The following FRMD4B variants were observed in gnomAD, a reference collection of about 807,000 sequenced individuals.
FRMD4B encodes the protein FERM domain-containing protein 4B.
FRMD4B carries 74 observed loss-of-function variants against 141.5 expected under a neutral mutation model. The ratio of observed to expected loss-of-function variants is 0.52; its 90% confidence interval spans 0.43 to 0.63. The LOEUF (loss-of-function observed/expected upper bound fraction) is 0.63. Ranked by LOEUF, FRMD4B falls within the 30% of genes least tolerant of loss-of-function variation. FRMD4B has a pLI of 0.00. For missense variants in FRMD4B, 1,366 were observed against 1,253.4 expected, an observed-to-expected ratio of 1.09 and a Z score of -1.36; for synonymous variants, 506 against 467.9, an observed-to-expected ratio of 1.08 and a Z score of -1.05.
chr3:69,520,382 A>AATATATATATATGATGGAAT (rs1700837142), intron 1 of FRMD4B, among the ~76,000 whole-genome samples: 2 of 127,068 alleles, frequency 1.6e-5, no homozygotes, highest in Admixed American at 1.7e-4. Flanking sequence ...TATATGATGG[A>AATATATATATATGATGGAAT]ATATATATAT....
chr3:69,406,310 C>T (rs1271699148), intron 2 of FRMD4B, among the ~76,000 whole-genome samples: 1 of 152,164 alleles, frequency 6.6e-6, no homozygotes, highest in Non-Finnish European at 1.5e-5. Context: ...GGATCCCAGC[C>T]GATACTCACA....
intron 5 of FRMD4B, 48 bp from the exon 6 acceptor site, chr3:69,250,147 T>C: frequency 7.9e-7 from 1 of 1,259,102 alleles, no homozygotes; most frequent in Non-Finnish European, 1.2e-6. Flanking sequence ...CTGTCCTAGA[T>C]TGTAGCAAAT....
At chr3:69,418,937 T>C (rs1418188195) in intron 2 of FRMD4B, among the ~76,000 whole-genome samples, 1 of 152,144 alleles carries the variant, frequency 6.6e-6, no homozygotes, top group African/African-American at 2.4e-5. Context: ...AAAAAACTAA[T>C]ACTCTTGGTT....
At chr3:69,209,130 C>T (rs1344007756) in intron 11 of FRMD4B, among the ~76,000 whole-genome samples, 2 of 146,362 alleles carry the variant, frequency 1.4e-5, no homozygotes, top group Admixed American at 1.4e-4. Context: ...GGCAACAGAG[C>T]GAGAATCCAT....
chr3:69,182,778 T>C (rs1685161447), intron 19 of FRMD4B, 61 bp from the exon 20 acceptor site: 1 of 1,542,446 alleles, frequency 6.5e-7, no homozygotes, highest in African/African-American at 1.4e-5. Context: ...CTGGCAAACT[T>C]GTCATAAGCA....
chr3:69,473,705 T>C (rs1705933025), intron 1 of FRMD4B, among the ~76,000 whole-genome samples: 1 of 152,142 alleles, frequency 6.6e-6, no homozygotes, highest in Admixed American at 6.5e-5. Context: ...TAATAATGAG[T>C]TTAATACAAC....
At chr3:69,404,969 A>G (rs1284931282) in intron 2 of FRMD4B, among the ~76,000 whole-genome samples, 2 of 152,234 alleles carry the variant, frequency 1.3e-5, no homozygotes, top group Non-Finnish European at 2.9e-5. Context: ...TTGGTCCAAT[A>G]GCCTAGAAGA....
intron 1 of FRMD4B, among the ~76,000 whole-genome samples, chr3:69,342,536 C>A (rs952663284): frequency 6.6e-6 from 1 of 152,192 alleles, no homozygotes; most frequent in African/African-American, 2.4e-5. Context: ...CTACTGCCAT[C>A]ATTTGCCATA....
At chr3:69,468,802 G>A (rs1254612045) in intron 1 of FRMD4B, among the ~76,000 whole-genome samples, 2 of 152,144 alleles carry the variant, frequency 1.3e-5, no homozygotes, top group Admixed American at 1.3e-4. Flanking sequence ...CAAGTCGAGG[G>A]ACTGCTCCAC....
chr3:69,462,122 G>A (rs1705716538), intron 1 of FRMD4B, among the ~76,000 whole-genome samples: 1 of 152,120 alleles, frequency 6.6e-6, no homozygotes, highest in African/African-American at 2.4e-5. Flanking sequence ...GGAAGCATAG[G>A]TAGGGAAGTG....
At chr3:69,323,917 A>C (rs1025027808) in intron 1 of FRMD4B, among the ~76,000 whole-genome samples, 39 of 152,078 alleles carry the variant, frequency 2.6e-4, no homozygotes, top group Non-Finnish European at 2.4e-4. Context: ...TTAGGCACTT[A>C]ATGTATCACC....
intron 1 of FRMD4B, among the ~76,000 whole-genome samples, chr3:69,339,997 C>T (rs73105369): frequency 0.023 from 3,497 of 152,194 alleles, 67 homozygotes; most frequent in Non-Finnish European, 0.036. Context: ...GCCCACTCTT[C>T]CCCTGGTCTT....
In FRMD4B at chr3:69,187,860, C is replaced by T. The variant is rs775330160; in HGVS notation, c.1829G>A (p.Arg610Lys). 31 of 1,610,376 alleles carry T rather than the reference C, an allele frequency of 1.9e-5. No homozygotes were observed. The South Asian group carries it at 2.2e-4, about 11-fold the overall frequency. The change falls in exon 19 of 23, where the codon AGA becomes AAA. Residue 610 changes from arginine (R) to lysine (K), a missense_variant. Physicochemically the swap from Arg to Lys is conservative, Grantham distance 26. Coordinates refer to ENST00000398540, the MANE Select transcript of FRMD4B (RefSeq NM_015123.3). ...ACCAAGAGACTTGGGGGGAAGAATT[C>T]TTGGAGAATGAGGTACTGAACTTGA... ...QRSSSVPHSP[R>K]ILPPKSLGIE...
At chr3:69,397,715 T>C (rs1223434080) in intron 2 of FRMD4B, among the ~76,000 whole-genome samples, 1 of 152,096 alleles carries the variant, frequency 6.6e-6, no homozygotes, top group Non-Finnish European at 1.5e-5. Flanking sequence ...GCTGAGGGAA[T>C]TAGGGAGAAA....
chr3:69,266,514 T>C (rs1319459385), intron 5 of FRMD4B, among the ~76,000 whole-genome samples: 1 of 151,974 alleles, frequency 6.6e-6, no homozygotes, highest in East Asian at 1.9e-4. Context: ...TTAGTAGAGA[T>C]GGGGTTTTGC....
At chr3:69,530,766 C>T (rs1330140116) in intron 1 of FRMD4B, among the ~76,000 whole-genome samples, 1 of 152,188 alleles carries the variant, frequency 6.6e-6, no homozygotes, top group African/African-American at 2.4e-5. Flanking sequence ...AAAGCCTTAG[C>T]ATACACAGTG....
chr3:69,481,369 T>G (rs1312196504), intron 1 of FRMD4B, among the ~76,000 whole-genome samples: 1 of 152,144 alleles, frequency 6.6e-6, no homozygotes, highest in Non-Finnish European at 1.5e-5. Context: ...TCCTCTTATA[T>G]TTTTTCTTTG....
chr3:69,508,803 C>A (rs1304995523), intron 1 of FRMD4B, among the ~76,000 whole-genome samples: 1 of 152,204 alleles, frequency 6.6e-6, no homozygotes, highest in Non-Finnish European at 1.5e-5. Flanking sequence ...TGCCATCACT[C>A]TGGGTCAGGC....
intron 1 of FRMD4B, among the ~76,000 whole-genome samples, chr3:69,462,755 CCA>C: frequency 6.6e-6 from 1 of 152,220 alleles, no homozygotes; most frequent in Non-Finnish European, 1.5e-5. Context: ...AAGGCCTCTG[CCA>C]CAGTCACCAA....
Sources: gnomAD v4.1 joint callset for allele counts (sites outside exome capture counted in the v4.1 genomes callset) on GRCh38, gnomAD v4.1.1 for gene constraint, MANE v1.5 for transcripts, NCBI Gene and HGNC (gene_info 2026-07-23, HGNC 2026-07-21) for gene names.